The following ASAP2 variants were observed in gnomAD, a reference collection of about 807,000 sequenced individuals.
The protein encoded by ASAP2 is ArfGAP with SH3 domain, ankyrin repeat and PH domain 2.
ASAP2 carries 45 observed loss-of-function variants against 131.4 expected under a neutral mutation model. The observed-to-expected ratio is 0.34, with a 90% CI of 0.27 to 0.44. ASAP2 has a LOEUF of 0.44. Ranked by LOEUF, ASAP2 falls within the 20% of genes least tolerant of loss-of-function variation. ASAP2 has a pLI of 1.00. For synonymous variants in ASAP2, 510 were observed against 503.0 expected (o/e 1.01, Z -0.19); for missense variants, 1,011 against 1,297.0 (o/e 0.78, Z 3.39).
At chr2:9,302,089 C>T (rs1201948212) in intron 3 of ASAP2, among the ~76,000 whole-genome samples, 2 of 144,876 alleles carry the variant, frequency 1.4e-5, no homozygotes, top group South Asian at 2.2e-4. Flanking sequence ...TCCCAAAGTG[C>T]AGGGATTACA....
At chr2:9,339,482 ATTATC>A (rs1366870965) in intron 9 of ASAP2, among the ~76,000 whole-genome samples, 2 of 152,106 alleles carry the variant, frequency 1.3e-5, no homozygotes, top group Non-Finnish European at 2.9e-5. Flanking sequence ...CACTTACCAT[ATTATC>A]TTAATAATAG....
intron 3 of ASAP2, among the ~76,000 whole-genome samples, chr2:9,306,038 C>A (rs62121345): frequency 0.31 from 40,040 of 130,330 alleles, 6,101 homozygotes; most frequent in Non-Finnish European, 0.36. Context: ...GATGGAGGGG[C>A]TGTGGGAGAG....
At chr2:9,289,355 AG>A (rs1667655461) in intron 2 of ASAP2, among the ~76,000 whole-genome samples, 1 of 152,134 alleles carries the variant, frequency 6.6e-6, no homozygotes, top group Non-Finnish European at 1.5e-5. Flanking sequence ...TCTTGAGGGT[AG>A]GGGCTCTGTT....
chr2:9,265,466 G>A (rs533016456), intron 1 of ASAP2, among the ~76,000 whole-genome samples: 3 of 152,146 alleles, frequency 2.0e-5, no homozygotes. Context: ...CTTGATGGGA[G>A]GAGAAGAGAA....
chr2:9,210,842 A>G (rs1184005018), intron 1 of ASAP2, among the ~76,000 whole-genome samples: 1 of 150,164 alleles, frequency 6.7e-6, no homozygotes, highest in Non-Finnish European at 1.5e-5. Flanking sequence ...ATTACAGGTG[A>G]CCCATGTGTA....
chr2:9,238,428 C>T lies in ASAP2; in HGVS notation c.126+31198C>T, dbSNP rs190938505. Among the ~76,000 whole-genome samples the T allele has an allele frequency of 2.8e-3, 430 of 152,324 alleles. 2 individuals carry two copies. The highest frequency in any genetic ancestry group is 0.014 in the Middle Eastern group (4 of 294). On this transcript the variant is annotated intron_variant, in intron 1 of 27. Transcript: ENST00000281419. ...CAGCTTTGCTGAGCTACAGCCACAT[C>T]CGCTTGAAAAAGCATTGTCTTACCA...
intron 1 of ASAP2, among the ~76,000 whole-genome samples, chr2:9,212,555 G>A (rs1198804483): frequency 6.6e-6 from 1 of 152,124 alleles, no homozygotes; most frequent in Non-Finnish European, 1.5e-5. Flanking sequence ...CAGTCACCTG[G>A]TCTCTAGAGG....
chr2:9,271,101 A>ATT (rs149039710), intron 1 of ASAP2, among the ~76,000 whole-genome samples: 5 of 150,728 alleles, frequency 3.3e-5, no homozygotes, highest in Admixed American at 2.0e-4. Context: ...CCCTGTTTTC[A>ATT]TTTTTTTTTA....
chr2:9,370,978 G>A (rs959607784), intron 16 of ASAP2, among the ~76,000 whole-genome samples: 5 of 152,104 alleles, frequency 3.3e-5, no homozygotes, highest in East Asian at 1.9e-4. Context: ...CTGTCATATC[G>A]GTCAGTTCTG....
intron 6 of ASAP2, 132 bp downstream of exon 6, chr2:9,323,382 G>C (rs1670275313): frequency 1.5e-6 from 2 of 1,352,492 alleles, no homozygotes; most frequent in Admixed American, 4.6e-5. Flanking sequence ...CTTTGCCCCT[G>C]TGTTGACATT....
intron 1 of ASAP2, among the ~76,000 whole-genome samples, chr2:9,238,860 G>T (rs890029606): frequency 6.6e-6 from 1 of 152,144 alleles, no homozygotes; most frequent in African/African-American, 2.4e-5. Flanking sequence ...TTTGTAGATT[G>T]CCTGGCATTT....
intron 1 of ASAP2, chr2:9,271,602 A>G (rs1483786350): frequency 1.5e-6 from 2 of 1,350,396 alleles, no homozygotes; most frequent in East Asian, 4.6e-5. Context: ...AGGAGTTTAA[A>G]TAGTGGAGGT....
intron 12 of ASAP2, among the ~76,000 whole-genome samples, chr2:9,352,460 A>G (rs978881233): frequency 4.6e-5 from 7 of 152,206 alleles, no homozygotes; most frequent in African/African-American, 1.4e-4. Context: ...TAGTGAACCT[A>G]TCACCTGGAG....
chr2:9,395,797 T>C (rs527262483), intron 24 of ASAP2, among the ~76,000 whole-genome samples: 5 of 151,648 alleles, frequency 3.3e-5, no homozygotes, highest in African/African-American at 9.7e-5. Context: ...TTAGTAGAGA[T>C]GGGGTTTCAC....
At position 9,391,090 on chromosome 2, in the gene ASAP2, G is replaced by A; in HGVS notation, c.2412G>A (p.Leu804=). The A allele has an allele frequency of 6.2e-7, 1 of 1,614,266 alleles. No individual in the cohort carries two copies. Among genetic ancestry groups the A allele is most frequent in the Non-Finnish European group, 8.5e-7 (1 of 1,180,054 alleles). ...KVQTASSANT[L]WKTNSVSVDG... ...AGACAGCCTCCTCTGCTAACACCCTGTGGAAGACAAACTCTGTAAGTGTGG... is the reference window on the plus strand; with the variant it reads ...AGACAGCCTCCTCTGCTAACACCCTATGGAAGACAAACTCTGTAAGTGTGG... The change falls in exon 23 of 28, where the codon CTG becomes CTA. Residue 804 remains leucine (L), a synonymous_variant. Transcript: ENST00000281419.
At position 9,311,048 on chromosome 2, in the gene ASAP2, A is replaced by G. The variant is rs1321155433; in HGVS notation, c.346-7476A>G. On this transcript the variant is annotated intron_variant, in intron 3 of 27. Coordinates refer to ENST00000281419, the MANE Select transcript of ASAP2 (RefSeq NM_003887.3). The surrounding 1 kb of genome is among the most constrained non-coding windows in gnomAD (Gnocchi z 5.2). ...GACATATCCAAGTGAACTCGGGGGG[A>G]AAAGCTAAGACAGGAAGTAGGGGTG... Among the ~76,000 whole-genome samples, 4 of 148,118 alleles carry G rather than the reference A, an allele frequency of 2.7e-5. No homozygotes were observed. Among genetic ancestry groups the G allele is most frequent in the South Asian group, 2.1e-4 (1 of 4,716 alleles).
At chr2:9,308,697 A>G (rs945828968) in intron 3 of ASAP2, among the ~76,000 whole-genome samples, 1 of 152,136 alleles carries the variant, frequency 6.6e-6, no homozygotes, top group African/African-American at 2.4e-5. Context: ...TAGTGAGCTG[A>G]GAGGAAGAGC....
chr2:9,332,090 G>C (rs576367619), intron 7 of ASAP2, among the ~76,000 whole-genome samples: 2 of 152,204 alleles, frequency 1.3e-5, no homozygotes, highest in African/African-American at 4.8e-5. Context: ...CTCTAAGTGG[G>C]TGTATTTTAA....
chr2:9,370,078 TCTGC>T (rs1673820319), intron 16 of ASAP2, among the ~76,000 whole-genome samples: 1 of 152,194 alleles, frequency 6.6e-6, no homozygotes, highest in Admixed American at 6.6e-5. Flanking sequence ...GACCTCGTGA[TCTGC>T]CCACCTTGGC....
Sources: allele counts gnomAD v4.1 joint callset (sites outside exome capture counted in the v4.1 genomes callset), GRCh38; gene constraint gnomAD v4.1.1; non-coding constraint Gnocchi (gnomAD v3.1); transcripts MANE v1.5; gene names NCBI Gene and HGNC (gene_info 2026-07-23, HGNC 2026-07-21).